Variants in CXCL17 observed in about 807,000 individuals in gnomAD.
The protein encoded by CXCL17 is C-X-C motif chemokine ligand 17.
Under a neutral mutation model 15.5 loss-of-function variants are expected in CXCL17, and 9 were observed. That is an observed-to-expected ratio of 0.58 (90% confidence interval 0.35 to 1.01). CXCL17 has a LOEUF of 1.01. Ranked by LOEUF, CXCL17 falls within the 50% of genes least tolerant of loss-of-function variation. The probability of loss-of-function intolerance (pLI) is 0.02; values close to 1 mark genes in which losing one functional copy is unlikely to be tolerated. For synonymous variants in CXCL17, 52 were observed against 52.3 expected (o/e 0.99, Z 0.02); for missense variants, 133 against 138.2 (o/e 0.96, Z 0.19).
chr19:42,438,406 A>ACACAC (rs1491327567), intron 1 of CXCL17, among the ~76,000 whole-genome samples: 8 of 107,100 alleles, frequency 7.5e-5, no homozygotes, highest in African/African-American at 3.3e-4. Context: ...ATATATATAT[A>ACACAC]AAATACACAC....
chr19:42,434,905 C>T (rs1318466094), intron 1 of CXCL17, among the ~76,000 whole-genome samples: 1 of 152,124 alleles, frequency 6.6e-6, no homozygotes, highest in Non-Finnish European at 1.5e-5. Context: ...ACAGGCTGGG[C>T]ACGGTGGCTC....
intron 1 of CXCL17, among the ~76,000 whole-genome samples, chr19:42,440,387 A>G (rs993502171): frequency 2.0e-5 from 3 of 152,194 alleles, no homozygotes; most frequent in Admixed American, 1.3e-4. Context: ...TTGGGGATGG[A>G]GGAGCTATTA....
At chr19:42,429,581 G>T (rs991315151) in intron 3 of CXCL17, among the ~76,000 whole-genome samples, 13 of 152,104 alleles carry the variant, frequency 8.5e-5, no homozygotes, top group African/African-American at 2.9e-4. Context: ...ACCCGCTTTT[G>T]CCTCCCAAAA....
At chr19:42,438,585 T>C (rs2040861223) in intron 1 of CXCL17, among the ~76,000 whole-genome samples, 1 of 151,598 alleles carries the variant, frequency 6.6e-6, no homozygotes, top group South Asian at 2.1e-4. Flanking sequence ...GTGTGTGTTA[T>C]TTCCCAGCTC....
At chr19:42,438,940 A>G (rs563908726) in intron 1 of CXCL17, among the ~76,000 whole-genome samples, 1 of 152,324 alleles carries the variant, frequency 6.6e-6, no homozygotes, top group East Asian at 1.9e-4. Context: ...TGATATAAAT[A>G]AATAACTGAA....
chr19:42,439,474 G>T (rs1016241046), intron 1 of CXCL17, among the ~76,000 whole-genome samples: 1 of 149,252 alleles, frequency 6.7e-6, no homozygotes, highest in Non-Finnish European at 1.5e-5. Context: ...AAAAAAAAAA[G>T]TATGATGAGA....
intron 1 of CXCL17, among the ~76,000 whole-genome samples, chr19:42,439,952 T>C (rs988411094): frequency 1.9e-4 from 29 of 152,210 alleles, no homozygotes; most frequent in African/African-American, 6.8e-4. Context: ...GTTAATATTA[T>C]GGTATCAGTG....
intron 1 of CXCL17, among the ~76,000 whole-genome samples, chr19:42,440,023 G>C (rs1038282159): frequency 8.5e-5 from 13 of 152,124 alleles, no homozygotes; most frequent in African/African-American, 3.1e-4. Flanking sequence ...GAAAACAATT[G>C]GATGAAGGCT....
At chr19:42,430,231 G>T (rs2040764208) in intron 3 of CXCL17, among the ~76,000 whole-genome samples, 1 of 152,090 alleles carries the variant, frequency 6.6e-6, no homozygotes, top group Non-Finnish European at 1.5e-5. Flanking sequence ...GAAGTTCATA[G>T]AAACCTATAC....
chr19:42,433,725 G>C (rs2040806152), intron 2 of CXCL17, 51 bp downstream of exon 2: 1 of 1,485,612 alleles, frequency 6.7e-7, no homozygotes. Flanking sequence ...CCAAGGGAGA[G>C]AGCTGGGGTC....
Position 42,442,905 on chromosome 19 carries a change from C to A in CXCL17, c.-73G>T. The A allele has an allele frequency of 8.7e-7, 1 of 1,148,958 alleles. No individual in the cohort carries two copies. Among genetic ancestry groups the A allele is most frequent in the South Asian group, 1.3e-5 (1 of 75,290 alleles). The allele number at this position is 1,148,958 out of a possible 1,614,324, so 71.2% of individuals were successfully genotyped here. A position where few individuals can be genotyped will look rare whatever the true frequency, so the allele number is the denominator to read the frequency against. ...GTTCCCTGCTGGAGGCTCCTGATCC[C>A]TGGGGATGACTCAGGTCAGGATACT... On this transcript the variant is annotated 5_prime_UTR_variant, in exon 1 of 4. It adds an upstream start codon to the 5' untranslated region. Coordinates refer to ENST00000601181, the MANE Select transcript of CXCL17 (RefSeq NM_198477.3).
At chr19:42,434,937 T>C (rs1209916580) in intron 1 of CXCL17, among the ~76,000 whole-genome samples, 1 of 152,052 alleles carries the variant, frequency 6.6e-6, no homozygotes, top group East Asian at 1.9e-4. Context: ...CCCAGCACTT[T>C]GGGAGGCTGA....
chr19:42,433,180 T>C, intron 2 of CXCL17, 103 bp from the exon 3 acceptor site: 2 of 741,008 alleles, frequency 2.7e-6, no homozygotes, highest in East Asian at 2.6e-5. Flanking sequence ...GCATTTCCAC[T>C]GCAATGGGGT....
At chr19:42,440,813 G>C (rs7251638) in intron 1 of CXCL17, among the ~76,000 whole-genome samples, 11,167 of 152,188 alleles carry the variant, frequency 0.073, 1,334 homozygotes, top group African/African-American at 0.25. Flanking sequence ...ATGCAGAGAA[G>C]TATTGGTGTA....
At chr19:42,429,520 G>A (rs533367331) in intron 3 of CXCL17, among the ~76,000 whole-genome samples, 123 of 151,938 alleles carry the variant, frequency 8.1e-4, no homozygotes, top group Admixed American at 2.8e-3. Flanking sequence ...TAGAGATGGG[G>A]TTTCACCATG....
At chr19:42,436,124 G>A (rs938242873) in intron 1 of CXCL17, among the ~76,000 whole-genome samples, 3 of 149,070 alleles carry the variant, frequency 2.0e-5, no homozygotes, top group African/African-American at 5.2e-5. Flanking sequence ...ATTCAGGTAC[G>A]TGGTTCCTAA....
At position 42,428,839 on chromosome 19, in the gene CXCL17, T is replaced by C. The variant is rs774203291; in HGVS notation, c.*45A>G. ...TGTCTGGTAGGTGTGCTCACTGTCT[T>C]CTTGGCTGAGAATGTTTAATTGGAA... On this transcript the variant is annotated 3_prime_UTR_variant, in exon 4 of 4. Coordinates refer to ENST00000601181, the MANE Select transcript of CXCL17 (RefSeq NM_198477.3). 4.1e-6 allele frequency: 6 copies of C among 1,462,344 alleles called. No individual in the cohort carries two copies. In the African/African-American group the frequency reaches 8.4e-5, roughly 20 times the overall value. 90.6% of individuals were successfully genotyped at this position (1,462,344 alleles called of 1,614,324 possible).
chr19:42,439,335 G>A (rs2040869711), intron 1 of CXCL17, among the ~76,000 whole-genome samples: 1 of 150,878 alleles, frequency 6.6e-6, no homozygotes. Flanking sequence ...AATGTAGAAG[G>A]AACAATGGAA....
Position 42,435,482 on chromosome 19 carries a change from T to C in CXCL17, c.80-1626A>G, listed in dbSNP as rs77610353. 5.3e-3 allele frequency among the ~76,000 whole-genome samples: 814 copies of C among 152,166 alleles called. 8 individuals are homozygous for C. Among genetic ancestry groups the C allele is most frequent in the African/African-American group, 0.018 (763 of 41,520 alleles). Reference sequence around the variant, plus strand: ...GGAGATAGGACCTTTAAAGAGGTGATTAAAATCAGGCTGTTATGGTGGGCC... The same window carrying C: ...GGAGATAGGACCTTTAAAGAGGTGACTAAAATCAGGCTGTTATGGTGGGCC... On this transcript the variant is annotated intron_variant, in intron 1 of 3. Coordinates refer to ENST00000601181, the MANE Select transcript of CXCL17 (RefSeq NM_198477.3).
Sources: gnomAD v4.1 joint callset for allele counts (sites outside exome capture counted in the v4.1 genomes callset) on GRCh38, gnomAD v4.1.1 for gene constraint, MANE v1.5 for transcripts, NCBI Gene and HGNC (gene_info 2026-07-23, HGNC 2026-07-21) for gene names.